Variants in TKTL1 observed in about 807,000 individuals in gnomAD.
TKTL1 encodes the protein transketolase-like protein 1.
TKTL1 carries 1 observed loss-of-function variant against 39.3 expected under a neutral mutation model. That is an observed-to-expected ratio of 0.03 (90% confidence interval 0.01 to 0.12). The LOEUF (loss-of-function observed/expected upper bound fraction) is 0.12, where lower values mean the gene tolerates loss of function less well. Among genes scored for constraint, TKTL1 ranks in the 10% least tolerant of loss-of-function variants. TKTL1 has a pLI of 1.00. For missense variants in TKTL1, 575 were observed against 509.6 expected (o/e 1.13, Z -1.24); for synonymous variants, 262 against 193.8 (o/e 1.35, Z -2.92).
intron 12 of TKTL1, among the ~76,000 whole-genome samples, chrX:154,328,392 A>C (rs2067509692): frequency 9.4e-6 from 1 of 106,340 alleles, no homozygotes; most frequent in African/African-American, 3.4e-5. Flanking sequence ...CTAAAAATAC[A>C]AAAATTAGCT....
rs2067524412 is a variant in TKTL1 at position 154,329,908 on chromosome X, T to TA, written c.*221dup. On this transcript the variant is annotated 3_prime_UTR_variant, in exon 13 of 13. Transcript: ENST00000369915. The stretch of plus-strand genomic sequence containing the variant: ...TAATTTTTGGATCATTAAAGGGAGT[T>TA]ACACAACTTTTAAGTGAAAAAAATA... 2.9e-6 allele frequency: 1 copy of TA among 349,739 alleles called. No homozygotes were observed. The highest frequency in any genetic ancestry group is 2.6e-5 in the African/African-American group (1 of 38,545). The allele number at this position is 349,739 out of a possible 1,213,427, so 28.8% of individuals were successfully genotyped here.
chrX:154,311,428 T>C (rs1477694904), intron 5 of TKTL1, among the ~76,000 whole-genome samples, 190 bp downstream of exon 5: 1 of 112,077 alleles, frequency 8.9e-6, no homozygotes, highest in Non-Finnish European at 1.9e-5. Context: ...ATAGGAGATA[T>C]CAAAAGCCCT....
At chrX:154,300,028 T>C (rs1232572297) in intron 1 of TKTL1, among the ~76,000 whole-genome samples, 1 of 100,251 alleles carries the variant, frequency 1.0e-5, no homozygotes, top group Non-Finnish European at 2.0e-5. Context: ...TTTTTTTTTT[T>C]GTCTTGAGAC....
At chrX:154,313,180 C>G (rs1361303920) in intron 6 of TKTL1, among the ~76,000 whole-genome samples, 1 of 112,226 alleles carries the variant, frequency 8.9e-6, no homozygotes, top group Non-Finnish European at 1.9e-5. Flanking sequence ...TATTTATTAG[C>G]TCCTGGTGTG....
At position 154,325,372 on chromosome X, in the gene TKTL1, A is replaced by G. The variant is rs140507131; in HGVS notation, c.1351A>G (p.Thr451Ala). 15 of 1,211,910 alleles carry G rather than the reference A, an allele frequency of 1.2e-5. No homozygotes were observed. Among genetic ancestry groups the G allele is most frequent in the Non-Finnish European group, 1.7e-5 (15 of 895,443 alleles). ...CTTCATTCGGACCACCCGACCAGAA[A>G]CTATGGTTATTTACACCCCACAAGA... Reference protein sequence around the residue: ...MCFIRTTRPETMVIYTPQERF... With the variant: ...MCFIRTTRPEAMVIYTPQERF... The change falls in exon 10 of 13, where the codon ACT becomes GCT. Residue 451 changes from threonine (T) to alanine (A), a missense_variant. Transcript: ENST00000369915.
At chrX:154,328,638 A>G (rs1399732982) in intron 12 of TKTL1, among the ~76,000 whole-genome samples, 1 of 105,435 alleles carries the variant, frequency 9.5e-6, no homozygotes, top group Non-Finnish European at 1.9e-5. Flanking sequence ...CAGCAAATGC[A>G]GAAAACAGTG....
chrX:154,327,972 T>C lies in TKTL1; in HGVS notation c.1618+14T>C, dbSNP rs1469287758. The stretch of plus-strand genomic sequence containing the variant: ...ACTACCCGCAAGGTGTGTGTGGGCA[T>C]TGAGAATGCTTTGGAAGGTTTTGGT... On this transcript the variant is annotated intron_variant, in intron 12 of 12. Coordinates refer to ENST00000369915, the MANE Select transcript of TKTL1 (RefSeq NM_012253.4). 1 of 1,209,672 alleles carries C rather than the reference T, an allele frequency of 8.3e-7. No homozygotes were observed. The highest frequency in any genetic ancestry group is 1.7e-5 in the African/African-American group (1 of 57,667).
intron 12 of TKTL1, 97 bp downstream of exon 12, chrX:154,328,055 C>A: frequency 9.6e-7 from 1 of 1,047,075 alleles, no homozygotes; most frequent in South Asian, 2.0e-5. Flanking sequence ...TATAGTCTAC[C>A]TCTCACCCAG....
At chrX:154,301,925 T>TA (rs1557166025) in intron 1 of TKTL1, among the ~76,000 whole-genome samples, 3 of 109,648 alleles carry the variant, frequency 2.7e-5, no homozygotes, top group African/African-American at 1.0e-4. Flanking sequence ...TTTTTTTTTT[T>TA]TAAATGAGAC....
At chrX:154,324,082 T>C (rs894578151) in intron 9 of TKTL1, among the ~76,000 whole-genome samples, 1 of 112,230 alleles carries the variant, frequency 8.9e-6, no homozygotes, top group Non-Finnish European at 1.9e-5. Flanking sequence ...TTTTTTTTTT[T>C]ATAAGTGGGC....
In TKTL1 at chrX:154,295,921, T is replaced by C; in HGVS notation, c.62T>C (p.Leu21Ser). The C allele has an allele frequency of 8.3e-7, 1 of 1,211,528 alleles. No individual in the cohort carries two copies. Among genetic ancestry groups the C allele is most frequent in the Non-Finnish European group, 1.1e-6 (1 of 895,227 alleles). ...GAGGCCAGACCTGACAGGGGCACCT[T>C]GCAGGTGTTGCAAGATATGGCCAGC... Reference protein sequence around the residue: ...PEEARPDRGTLQVLQDMASRL... With the variant: ...PEEARPDRGTSQVLQDMASRL... Residue 21 changes from leucine (L) to serine (S), a missense_variant, in exon 1 of 13, where the codon TTG becomes TCG. Transcript: ENST00000369915.
intron 9 of TKTL1, 51 bp downstream of exon 9, chrX:154,323,388 C>T (rs978790652): frequency 8.5e-7 from 1 of 1,174,761 alleles, no homozygotes; most frequent in African/African-American, 1.8e-5. Flanking sequence ...CTGGACTCTG[C>T]TAGTTTCATA....
rs2067466982 is a variant in TKTL1, at chrX:154,323,329, A to T, written c.1309A>T (p.Asn437Tyr). Residue 437 changes from asparagine to tyrosine, a missense_variant, in exon 9 of 13, where the codon AAT becomes TAT. Coordinates refer to ENST00000369915, the MANE Select transcript of TKTL1 (RefSeq NM_012253.4). ...STEHAVALAA[N>Y]AKGMCFIRTT... ...GGAGCATGCTGTTGCTCTGGCAGCCAATGCCAAGGTATTTTTAAGGGGACA... is the reference window on the plus strand; with the variant it reads ...GGAGCATGCTGTTGCTCTGGCAGCCTATGCCAAGGTATTTTTAAGGGGACA... 1 of 1,211,520 alleles carries T rather than the reference A, an allele frequency of 8.3e-7. No homozygotes were observed. Among genetic ancestry groups the T allele is most frequent in the African/African-American group, 1.7e-5 (1 of 57,823 alleles).
At chrX:154,307,685 T>G (rs184839886) in intron 2 of TKTL1, among the ~76,000 whole-genome samples, 103 of 112,784 alleles carry the variant, frequency 9.1e-4, no homozygotes, top group Non-Finnish European at 1.6e-3. Flanking sequence ...GGCCTCACAC[T>G]TCACAGCCAG....
At chrX:154,318,125 G>C (rs962125321) in intron 7 of TKTL1, among the ~76,000 whole-genome samples, 6 of 111,034 alleles carry the variant, frequency 5.4e-5, no homozygotes, top group African/African-American at 2.0e-4. Flanking sequence ...CTGGAATGCA[G>C]TGGCACAATC....
intron 10 of TKTL1, 78 bp downstream of exon 10, chrX:154,325,500 C>A: frequency 1.1e-6 from 1 of 891,461 alleles, no homozygotes; most frequent in Non-Finnish European, 1.6e-6. Flanking sequence ...CACCAGCTAT[C>A]TTCAGAGTTG....
At chrX:154,305,171 C>CAT (rs1557166956) in intron 1 of TKTL1, 133 bp from the exon 2 acceptor site, 2 of 1,178,387 alleles carry the variant, frequency 1.7e-6, no homozygotes, top group East Asian at 6.1e-5. Context: ...GTGAGCCCTG[C>CAT]ATTCCTTACC....
rs782223498 is a variant in TKTL1 at position 154,325,427 on chromosome X, G to C, written c.1401+5G>C. 2 of 1,194,346 alleles carry C rather than the reference G, an allele frequency of 1.7e-6. No individual in the cohort carries two copies. The highest frequency in any genetic ancestry group is 3.5e-5 in the South Asian group (2 of 56,466). On this transcript the variant is annotated splice_donor_5th_base_variant and intron_variant, in intron 10 of 12. Coordinates refer to ENST00000369915, the MANE Select transcript of TKTL1 (RefSeq NM_012253.4). ...TTTGAGATCGGACAGGCCAAGGTAA[G>C]GGCTTACGCGCTCCTGCGTTATTCA...
intron 8 of TKTL1, among the ~76,000 whole-genome samples, chrX:154,322,949 G>A (rs1437635170): frequency 8.9e-6 from 1 of 112,057 alleles, no homozygotes; most frequent in African/African-American, 3.2e-5. Flanking sequence ...AACTTGGAGT[G>A]ATCCATCTGA....
Sources: allele counts gnomAD v4.1 joint callset (sites outside exome capture counted in the v4.1 genomes callset), GRCh38; gene constraint gnomAD v4.1.1; transcripts MANE v1.5; gene names NCBI Gene and HGNC (gene_info 2026-07-23, HGNC 2026-07-21).